Variants in CAB39 observed in about 807,000 individuals in gnomAD.
CAB39 encodes calcium-binding protein 39.
In CAB39, 8 loss-of-function variants were observed where a neutral mutation model predicts 40.0. The observed-to-expected ratio is 0.20, with a 90% confidence interval of 0.12 to 0.36. CAB39 has a LOEUF of 0.36. Among genes scored for constraint, CAB39 ranks in the 10% least tolerant of loss-of-function variants. The pLI is 1.00. For synonymous variants in CAB39, 156 were observed against 141.6 expected, an observed-to-expected ratio of 1.10 and a Z score of -0.72; for missense variants, 270 against 401.1, an observed-to-expected ratio of 0.67 and a Z score of 2.79.
At chr2:230,715,656 C>T (rs1172593168) in intron 1 of CAB39, among the ~76,000 whole-genome samples, 2 of 152,188 alleles carry the variant, frequency 1.3e-5, no homozygotes, top group African/African-American at 4.8e-5. Context: ...TAGAATATTT[C>T]ATGAAATGGT....
chr2:230,818,799 C>A lies in CAB39; in HGVS notation c.*95C>A. On this transcript the variant is annotated 3_prime_UTR_variant, in exon 9 of 9. Transcript: ENST00000258418. The stretch of plus-strand genomic sequence containing the variant: ...TATTGATTCATGAGGAACATTACTG[C>A]TAATCTGCTGTTAAGTGAACGGTTT... The A allele has an allele frequency of 3.1e-6, 3 of 971,856 alleles. No homozygotes were observed. The highest frequency in any genetic ancestry group is 4.7e-6 in the Non-Finnish European group (3 of 641,972). 60.2% of individuals were successfully genotyped at this position (971,856 alleles called of 1,614,324 possible). A position where few individuals can be genotyped will look rare whatever the true frequency, so the allele number is the denominator to read the frequency against.
intron 1 of CAB39, among the ~76,000 whole-genome samples, chr2:230,723,436 C>T (rs557183378): frequency 8.8e-4 from 134 of 152,296 alleles, no homozygotes; most frequent in Admixed American, 1.5e-3. Context: ...ACAAGCAAGT[C>T]TCTGATTCAA....
At chr2:230,748,021 TC>T (rs1349338876) in intron 1 of CAB39, among the ~76,000 whole-genome samples, 1 of 152,226 alleles carries the variant, frequency 6.6e-6, no homozygotes, top group Non-Finnish European at 1.5e-5. Flanking sequence ...TATCTTTTTT[TC>T]AGTTGTTTAT....
intron 5 of CAB39, among the ~76,000 whole-genome samples, chr2:230,799,474 C>G (rs1376744027): frequency 6.6e-6 from 1 of 152,222 alleles, no homozygotes; most frequent in Non-Finnish European, 1.5e-5. Flanking sequence ...GCTCCCCCAT[C>G]TACCTTTCCT....
intron 1 of CAB39, among the ~76,000 whole-genome samples, chr2:230,745,868 G>A (rs1445310090): frequency 2.0e-5 from 3 of 151,934 alleles, no homozygotes; most frequent in South Asian, 2.1e-4. Context: ...CTTGTGATCC[G>A]CCTGCTTCGG....
chr2:230,755,269 G>C (rs1024220008), intron 1 of CAB39, among the ~76,000 whole-genome samples: 3 of 152,142 alleles, frequency 2.0e-5, no homozygotes, highest in African/African-American at 7.2e-5. Flanking sequence ...GTGTAGAAGT[G>C]TTCTCTGATT....
chr2:230,776,068 T>C (rs960803631), intron 2 of CAB39, among the ~76,000 whole-genome samples: 1 of 151,926 alleles, frequency 6.6e-6, no homozygotes, highest in African/African-American at 2.4e-5. Flanking sequence ...TGAAACAACC[T>C]ATGGCATGTT....
intron 2 of CAB39, among the ~76,000 whole-genome samples, chr2:230,778,693 T>C (rs1343467948): frequency 6.6e-6 from 1 of 152,190 alleles, no homozygotes; most frequent in Non-Finnish European, 1.5e-5. Flanking sequence ...ATGGACTCTA[T>C]CCTTAAAAAT....
chr2:230,773,314 A>ATGTGTG (rs71052549), intron 2 of CAB39, among the ~76,000 whole-genome samples: 9,691 of 132,528 alleles, frequency 0.073, 447 homozygotes, highest in African/African-American at 0.13. Flanking sequence ...ATATATATAT[A>ATGTGTG]TGTGTGTGTG....
intron 2 of CAB39, among the ~76,000 whole-genome samples, chr2:230,782,813 C>CTTTCTTTTTT (rs1286339069): frequency 3.7e-5 from 3 of 81,766 alleles, no homozygotes; most frequent in South Asian, 3.2e-4. Context: ...TTCTTTCTTT[C>CTTTCTTTTTT]TTTTTTTTTT....
rs1559622143 is a variant in CAB39, at chr2:230,819,421, A to G, written c.*717A>G. ...TTTCAAAGATACTTTAAAACAGTAG[A>G]GCTAGCAATGACACCTTGCATTTCA... On this transcript the variant is annotated 3_prime_UTR_variant, in exon 9 of 9. Transcript: ENST00000258418. 6.6e-6 allele frequency: 1 copy of G among 152,668 alleles called. No homozygotes were observed. Among genetic ancestry groups the G allele is most frequent in the Non-Finnish European group, 1.5e-5 (1 of 68,046 alleles). The allele number at this position is 152,668 out of a possible 1,614,324, so 9.5% of individuals were successfully genotyped here. A position where few individuals can be genotyped will look rare whatever the true frequency, so the allele number is the denominator to read the frequency against.
intron 1 of CAB39, among the ~76,000 whole-genome samples, chr2:230,741,296 C>T (rs879851392): frequency 6.6e-6 from 1 of 152,180 alleles, no homozygotes; most frequent in Admixed American, 6.5e-5. Context: ...GTTGAAAATG[C>T]TTTCAGCTCT....
chr2:230,802,965 T>C (rs990811697), intron 5 of CAB39, among the ~76,000 whole-genome samples: 2 of 152,138 alleles, frequency 1.3e-5, no homozygotes, highest in African/African-American at 4.8e-5. Flanking sequence ...AAAAAAACTT[T>C]AGACCAATAT....
chr2:230,814,526 C>T (rs1262357734), intron 7 of CAB39, among the ~76,000 whole-genome samples: 1 of 152,064 alleles, frequency 6.6e-6, no homozygotes, highest in African/African-American at 2.4e-5. Context: ...GGCTTGGCTG[C>T]TTTGTATCAA....
intron 2 of CAB39, among the ~76,000 whole-genome samples, chr2:230,773,314 A>ATATGTGTGTGTGTGTGTG (rs371297550): frequency 4.6e-4 from 61 of 132,674 alleles, no homozygotes; most frequent in African/African-American, 1.6e-3. Flanking sequence ...ATATATATAT[A>ATATGTGTGTGTGTGTGTG]TGTGTGTGTG....
At chr2:230,816,177 G>A (rs553351170) in intron 7 of CAB39, among the ~76,000 whole-genome samples, 3 of 152,218 alleles carry the variant, frequency 2.0e-5, no homozygotes, top group Non-Finnish European at 4.4e-5. Flanking sequence ...GGAGGCTGAG[G>A]CATGAGAATC....
chr2:230,786,633 A>C (rs1030614058), intron 2 of CAB39, among the ~76,000 whole-genome samples: 8 of 152,314 alleles, frequency 5.3e-5, no homozygotes, highest in African/African-American at 1.9e-4. Context: ...ACTGAGGTAC[A>C]TGAAGAATTG....
chr2:230,779,244 A>G (rs1695646489), intron 2 of CAB39: 1 of 152,222 alleles, frequency 6.6e-6, no homozygotes, highest in African/African-American at 2.4e-5. Context: ...CCTTGATCTG[A>G]GAAGCTTTGC....
At chr2:230,735,290 C>G (rs1017061453) in intron 1 of CAB39, among the ~76,000 whole-genome samples, 17 of 151,714 alleles carry the variant, frequency 1.1e-4, no homozygotes, top group African/African-American at 4.1e-4. Flanking sequence ...CCTCAGCCTC[C>G]TGAGCAGCTG....
Sources: allele counts gnomAD v4.1 joint callset (sites outside exome capture counted in the v4.1 genomes callset), GRCh38; gene constraint gnomAD v4.1.1; transcripts MANE v1.5; gene names NCBI Gene and HGNC (gene_info 2026-07-23, HGNC 2026-07-21).